Variants in TBL1X observed in about 807,000 individuals in gnomAD.
TBL1X encodes transducin beta like 1 X-linked.
TBL1X carries 10 observed loss-of-function variants against 50.7 expected under a neutral mutation model. That is an observed-to-expected ratio of 0.20 (90% CI 0.12 to 0.33). The LOEUF is 0.33. Ranked by LOEUF, TBL1X falls within the 10% of genes least tolerant of loss-of-function variation. The probability of loss-of-function intolerance (pLI) is 1.00; values close to 1 mark genes in which losing one functional copy is unlikely to be tolerated. For synonymous variants in TBL1X, 190 were observed against 214.7 expected, an observed-to-expected ratio of 0.88 and a Z score of 1.01; for missense variants, 340 against 504.4, an observed-to-expected ratio of 0.67 and a Z score of 3.12.
At chrX:9,488,061 T>C (rs984726275) in intron 1 of TBL1X, among the ~76,000 whole-genome samples, 1 of 111,843 alleles carries the variant, frequency 8.9e-6, no homozygotes, top group Non-Finnish European at 1.9e-5. Flanking sequence ...TGGAGGGTGA[T>C]TTTCTGAAAC....
At position 9,556,776 on chromosome X, in the gene TBL1X, GTTT is replaced by G. The variant is rs767333894; in HGVS notation, c.-131+54931_-131+54933del. On this transcript the variant is annotated intron_variant, in intron 2 of 17. Coordinates refer to ENST00000645353, the MANE Select transcript of TBL1X (RefSeq NM_005647.4). ...TGAAGGCTCGAGGGTTAAGTTTCTG[GTTT>G]TTTGTTTTGTTTTGTGTTTTTTGTT... Among the ~76,000 whole-genome samples, 214 of 107,804 alleles carry G rather than the reference GTTT, an allele frequency of 2.0e-3. 1 individual carries two copies. Among genetic ancestry groups the G allele is most frequent in the African/African-American group, 7.1e-3 (203 of 28,727 alleles). 93.6% of individuals were successfully genotyped at this position (107,804 alleles called of 115,157 possible). A position where few individuals can be genotyped will look rare whatever the true frequency, so the allele number is the denominator to read the frequency against.
intron 2 of TBL1X, among the ~76,000 whole-genome samples, chrX:9,590,541 G>T (rs2082494719): frequency 8.9e-6 from 1 of 112,081 alleles, no homozygotes; most frequent in African/African-American, 3.2e-5. Flanking sequence ...AACATCAGCA[G>T]AGACCTTATT....
intron 5 of TBL1X, among the ~76,000 whole-genome samples, chrX:9,671,282 A>G (rs1345713457): frequency 8.8e-6 from 1 of 113,130 alleles, no homozygotes; most frequent in Non-Finnish European, 1.9e-5. Flanking sequence ...CAGTGGAGTT[A>G]CAGAGAAGCT....
chrX:9,489,119 A>G (rs1486469055), intron 1 of TBL1X, among the ~76,000 whole-genome samples: 2 of 110,959 alleles, frequency 1.8e-5, no homozygotes, highest in East Asian at 2.8e-4. Flanking sequence ...GGACTTTATC[A>G]GGGACTCTGC....
intron 2 of TBL1X, among the ~76,000 whole-genome samples, chrX:9,590,792 A>G (rs2082495785): frequency 9.0e-6 from 1 of 111,094 alleles, no homozygotes; most frequent in Non-Finnish European, 1.9e-5. Flanking sequence ...TGTCAGTTTT[A>G]AATCACTGCT....
chrX:9,477,955 G>T (rs1005932829), intron 1 of TBL1X, among the ~76,000 whole-genome samples: 1 of 111,609 alleles, frequency 9.0e-6, no homozygotes, highest in Non-Finnish European at 1.9e-5. Context: ...GAACTTCCCG[G>T]ATGGTGAGAC....
chrX:9,704,905 A>C, intron 12 of TBL1X, 88 bp from the exon 13 acceptor site: 1 of 1,163,375 alleles, frequency 8.6e-7, no homozygotes, highest in Non-Finnish European at 1.2e-6. Flanking sequence ...TAAACTAAAG[A>C]GGCTTCTTGA....
intron 1 of TBL1X, among the ~76,000 whole-genome samples, chrX:9,490,507 C>T (rs2081935504): frequency 8.9e-6 from 1 of 111,961 alleles, no homozygotes; most frequent in African/African-American, 3.2e-5. Flanking sequence ...CAACAAATGT[C>T]AGTTCTGCTG....
chrX:9,511,613 C>T (rs2082055946), intron 2 of TBL1X, among the ~76,000 whole-genome samples: 1 of 112,424 alleles, frequency 8.9e-6, no homozygotes, highest in Non-Finnish European at 1.9e-5. Flanking sequence ...CGTTTTATTT[C>T]TGTCTGTTTT....
chrX:9,703,495 C>T (rs955212456), intron 12 of TBL1X, among the ~76,000 whole-genome samples: 1 of 111,707 alleles, frequency 9.0e-6, no homozygotes, highest in African/African-American at 3.3e-5. Context: ...AGCGCCCTTC[C>T]TGGCCCCTAG....
intron 16 of TBL1X, among the ~76,000 whole-genome samples, chrX:9,714,689 C>A (rs2083267614): frequency 8.9e-6 from 1 of 112,570 alleles, no homozygotes; most frequent in Non-Finnish European, 1.9e-5. Flanking sequence ...GTGGCAGATT[C>A]CGCAGGCATA....
rs73483656 is a variant in TBL1X, at chrX:9,470,213, C to T, written c.-201+4766C>T. On this transcript the variant is annotated intron_variant, in intron 1 of 17. Transcript: ENST00000645353. ...ATCATGGAGAATGGGGGTATCCATT[C>T]CCTCAAGCACTTATTCTTTGTGTTA... 4.9e-3 allele frequency among the ~76,000 whole-genome samples: 548 copies of T among 112,602 alleles called. 5 individuals are homozygous for T. Among genetic ancestry groups the T allele is most frequent in the African/African-American group, 0.017 (524 of 31,083 alleles).
chrX:9,577,936 G>T (rs1451474629), intron 2 of TBL1X, among the ~76,000 whole-genome samples: 4 of 112,315 alleles, frequency 3.6e-5, no homozygotes, highest in Non-Finnish European at 7.5e-5. Flanking sequence ...GCAGTCTTTC[G>T]TGCTTTGGTC....
intron 2 of TBL1X, among the ~76,000 whole-genome samples, chrX:9,555,740 T>C (rs1036137216): frequency 1.8e-5 from 2 of 112,034 alleles, no homozygotes; most frequent in African/African-American, 6.5e-5. Context: ...TGAATCTCTC[T>C]TATAATGCCT....
At chrX:9,470,994 C>G (rs1274399192) in intron 1 of TBL1X, among the ~76,000 whole-genome samples, 1 of 112,249 alleles carries the variant, frequency 8.9e-6, no homozygotes, top group Non-Finnish European at 1.9e-5. Context: ...CCAAAAGGTA[C>G]TTCATATGTG....
intron 2 of TBL1X, among the ~76,000 whole-genome samples, chrX:9,581,498 G>A (rs1205940316): frequency 9.0e-6 from 1 of 111,342 alleles, no homozygotes; most frequent in Non-Finnish European, 1.9e-5. Flanking sequence ...ACTGCCAGGG[G>A]ACATTGACAA....
intron 12 of TBL1X, among the ~76,000 whole-genome samples, chrX:9,702,502 A>G (rs1308654250): frequency 9.5e-6 from 1 of 105,618 alleles, no homozygotes; most frequent in Non-Finnish European, 1.9e-5. Flanking sequence ...GCTACTCGAG[A>G]GACTGAGGCA....
chrX:9,465,599 A>C (rs1053724629), intron 1 of TBL1X, among the ~76,000 whole-genome samples, 152 bp downstream of exon 1: 22 of 112,048 alleles, frequency 2.0e-4, no homozygotes, highest in African/African-American at 6.5e-4. Flanking sequence ...CAGGTCGCCA[A>C]CTGTCCCCGC....
intron 2 of TBL1X, among the ~76,000 whole-genome samples, chrX:9,537,983 G>A (rs2082197435): frequency 9.0e-6 from 1 of 111,573 alleles, no homozygotes; most frequent in African/African-American, 3.3e-5. Context: ...GAATGGTGTG[G>A]CGGGAAGTGA....
Sources: gnomAD v4.1 joint callset for allele counts (sites outside exome capture counted in the v4.1 genomes callset) on GRCh38, gnomAD v4.1.1 for gene constraint, MANE v1.5 for transcripts, NCBI Gene and HGNC (gene_info 2026-07-23, HGNC 2026-07-21) for gene names.